Variants in CPD observed in about 807,000 individuals in gnomAD.
The protein encoded by CPD is carboxypeptidase D.
Under a neutral mutation model 138.3 loss-of-function variants are expected in CPD, and 69 were observed. That is an observed-to-expected ratio of 0.50 (90% CI 0.41 to 0.61). The LOEUF is 0.61. Among genes scored for constraint, CPD ranks in the 20% least tolerant of loss-of-function variants. CPD has a pLI of 0.00. For synonymous variants in CPD, 651 were observed against 642.1 expected, an observed-to-expected ratio of 1.01 and a Z score of -0.21; for missense variants, 1,432 against 1,733.3, an observed-to-expected ratio of 0.83 and a Z score of 3.09.
chr17:30,391,374 T>G (rs984577925), intron 2 of CPD, among the ~76,000 whole-genome samples: 2 of 152,144 alleles, frequency 1.3e-5, no homozygotes, highest in African/African-American at 4.8e-5. Context: ...AAGCCCAGCC[T>G]GGGCAAAATA....
chr17:30,431,818 T>C lies in CPD; in HGVS notation c.2064T>C (p.Leu688=). The stretch of plus-strand genomic sequence containing the variant: ...CTTTTGATGATGATGAACAAGGACT[T>C]GCCACATATAGTAAATCACCAGATG... ...NYPFDDDEQG[L]ATYSKSPDDA... is the part of the protein sequence containing the mutation. Residue 688 remains leucine, a synonymous_variant, in exon 8 of 21, where the codon CTT becomes CTC. Coordinates refer to ENST00000225719, the MANE Select transcript of CPD (RefSeq NM_001304.5). The C allele has an allele frequency of 6.2e-7, 1 of 1,613,252 alleles. No individual in the cohort carries two copies. Among genetic ancestry groups the C allele is most frequent in the Non-Finnish European group, 8.5e-7 (1 of 1,179,616 alleles).
intron 2 of CPD, among the ~76,000 whole-genome samples, chr17:30,419,165 T>C (rs1349134561): frequency 6.6e-6 from 1 of 152,210 alleles, no homozygotes; most frequent in African/African-American, 2.4e-5. Context: ...AAAGTTTTGT[T>C]ATTTTTGCTG....
chr17:30,430,610 C>T (rs991497567), intron 7 of CPD, among the ~76,000 whole-genome samples: 5 of 152,106 alleles, frequency 3.3e-5, no homozygotes, highest in African/African-American at 1.2e-4. Context: ...CTTCTATGCC[C>T]ATTGGCATTC....
chr17:30,448,706 A>G (rs1404587528), intron 12 of CPD, among the ~76,000 whole-genome samples: 1 of 152,160 alleles, frequency 6.6e-6, no homozygotes. Context: ...TTTAATTTTC[A>G]TTGAATTAGT....
intron 2 of CPD, among the ~76,000 whole-genome samples, chr17:30,418,226 A>T (rs1006525018): frequency 1.3e-5 from 2 of 151,746 alleles, no homozygotes; most frequent in African/African-American, 2.4e-5. Flanking sequence ...TGTTACCCAG[A>T]CTGGAGTGCA....
chr17:30,446,169 T>A (rs1426902335), intron 12 of CPD, 149 bp downstream of exon 12: 1 of 644,886 alleles, frequency 1.6e-6, no homozygotes, highest in Non-Finnish European at 2.6e-6. Context: ...ATGTATTTGC[T>A]TGGAGATCTT....
intron 7 of CPD, among the ~76,000 whole-genome samples, chr17:30,428,473 G>T (rs887240574): frequency 6.6e-6 from 1 of 152,134 alleles, no homozygotes; most frequent in Admixed American, 6.5e-5. Context: ...TAAATAAAAT[G>T]TGGTCTGTCC....
Position 30,451,724 on chromosome 17 carries a change from C to T in CPD, c.3083C>T (p.Thr1028Ile). The change falls in exon 14 of 21, where the codon ACT becomes ATT. Residue 1028 changes from threonine (T) to isoleucine (I), a missense_variant. Coordinates refer to ENST00000225719, the MANE Select transcript of CPD (RefSeq NM_001304.5). Reference protein sequence around the residue: ...NPAVTQLVDRTRIVIVPSLNP... With the variant: ...NPAVTQLVDRIRIVIVPSLNP... ...TTTGTGCTTCAGTTGGTTGACAGGA[C>T]TAGGATTGTGATTGTCCCTTCTCTA... 2.5e-6 allele frequency: 4 copies of T among 1,613,848 alleles called. No homozygotes were observed. Among genetic ancestry groups the T allele is most frequent in the Non-Finnish European group, 3.4e-6 (4 of 1,179,864 alleles).
intron 2 of CPD, among the ~76,000 whole-genome samples, chr17:30,398,605 G>T (rs1338834372): frequency 2.0e-5 from 3 of 151,542 alleles, no homozygotes; most frequent in African/African-American, 7.3e-5. Flanking sequence ...TAGGTTTTGT[G>T]TTGAGAAAAA....
chr17:30,437,362 G>A (rs868097160), intron 8 of CPD, among the ~76,000 whole-genome samples: 8 of 151,894 alleles, frequency 5.3e-5, no homozygotes, highest in South Asian at 2.1e-4. Flanking sequence ...TTCTGTATTC[G>A]TATATAAGTT....
chr17:30,406,697 G>A (rs1911807577), intron 2 of CPD, among the ~76,000 whole-genome samples: 1 of 152,102 alleles, frequency 6.6e-6, no homozygotes, highest in Non-Finnish European at 1.5e-5. Flanking sequence ...TTGCCTTCTA[G>A]CATAATGAAA....
chr17:30,456,613 A>G (rs777805979), intron 17 of CPD, 87 bp downstream of exon 17: 66 of 1,339,790 alleles, frequency 4.9e-5, no homozygotes, highest in Non-Finnish European at 6.3e-5. Context: ...AGGCCAAGGC[A>G]GGTGGATTTT....
In CPD at chr17:30,379,576, A is replaced by C. The variant is rs1910986607; in HGVS notation, c.596A>C (p.Asp199Ala). ...CGCGAGGGCGACTGTGGCTTCGGCG[A>C]CGGCGGCCCGTCCGGGGCCAGCGGC... is the stretch of plus-strand genomic sequence containing the variant. ...RAREGDCGFGDGGPSGASGRD... is the reference protein window; with the variant it reads ...RAREGDCGFGAGGPSGASGRD... The change falls in exon 1 of 21, where the codon GAC (aspartate) becomes GCC (alanine). Residue 199 changes from aspartate (D) to alanine (A), a missense_variant. By Grantham distance (126) the Asp-to-Ala change is moderately radical. Around this residue, in one of 6 missense-constraint regions of CPD, gnomAD observed 484 missense variants for 477.2 expected, o/e 1.01. Coordinates refer to ENST00000225719, the MANE Select transcript of CPD (RefSeq NM_001304.5). The surrounding 1 kb of genome is among the most constrained non-coding windows in gnomAD (Gnocchi z 7.0). The C allele has an allele frequency of 1.3e-6, 2 of 1,512,592 alleles. No individual in the cohort carries two copies. The highest frequency in any genetic ancestry group is 2.4e-5 in the Admixed American group (1 of 40,828). 93.7% of individuals were successfully genotyped at this position (1,512,592 alleles called of 1,614,324 possible).
At chr17:30,453,977 C>G (rs1015471615) in intron 14 of CPD, 1 of 152,262 alleles carries the variant, frequency 6.6e-6, no homozygotes, top group African/African-American at 2.4e-5. Flanking sequence ...GCCCCCAGCA[C>G]GGGGACCCTG....
At chr17:30,425,927 G>A (rs1208551845) in intron 6 of CPD, among the ~76,000 whole-genome samples, 1 of 152,170 alleles carries the variant, frequency 6.6e-6, no homozygotes, top group Non-Finnish European at 1.5e-5. Flanking sequence ...CTGGCCAGGT[G>A]CTGTGGCTCA....
At chr17:30,445,636 G>A (rs1913005374) in intron 11 of CPD, 55 bp from the exon 12 acceptor site, 1 of 1,313,256 alleles carries the variant, frequency 7.6e-7, no homozygotes, top group Admixed American at 2.5e-5. Flanking sequence ...GCCTTCCCAG[G>A]GTTTGGGTAC....
chr17:30,401,366 C>T (rs1911660380), intron 2 of CPD, among the ~76,000 whole-genome samples: 1 of 149,984 alleles, frequency 6.7e-6, no homozygotes, highest in South Asian at 2.1e-4. Flanking sequence ...CTTCTTCCTC[C>T]TCTTCCTCTT....
At chr17:30,424,052 G>A (rs578228585) in intron 6 of CPD, among the ~76,000 whole-genome samples, 1 of 152,260 alleles carries the variant, frequency 6.6e-6, no homozygotes, top group Non-Finnish European at 1.5e-5. Flanking sequence ...AGTGACCATG[G>A]CCCATGACAC....
intron 17 of CPD, among the ~76,000 whole-genome samples, chr17:30,460,432 C>T (rs1913439350): frequency 6.6e-6 from 1 of 151,984 alleles, no homozygotes; most frequent in Non-Finnish European, 1.5e-5. Context: ...ACAGGGAGAC[C>T]GGTTTGGAAT....
Sources: allele counts gnomAD v4.1 joint callset (sites outside exome capture counted in the v4.1 genomes callset), GRCh38; gene constraint gnomAD v4.1.1; regional missense constraint gnomAD v4.1.1; non-coding constraint Gnocchi (gnomAD v3.1); transcripts MANE v1.5; gene names NCBI Gene and HGNC (gene_info 2026-07-23, HGNC 2026-07-21).